SLC2A10: variants seen among roughly 807,000 people sequenced by gnomAD.
SLC2A10 encodes solute carrier family 2, facilitated glucose transporter member 10.
In SLC2A10, 25 loss-of-function variants were observed where a neutral mutation model predicts 32.1. That is an observed-to-expected ratio of 0.78 (90% confidence interval 0.57 to 1.09). SLC2A10 has a LOEUF of 1.09. Among genes scored for constraint, SLC2A10 ranks in the 50% least tolerant of loss-of-function variants. The pLI is 0.00. For missense variants in SLC2A10, 673 were observed against 686.5 expected, an observed-to-expected ratio of 0.98 and a Z score of 0.22; for synonymous variants, 332 against 309.6, an observed-to-expected ratio of 1.07 and a Z score of -0.76.
rs1255070229 is a variant in SLC2A10, at chr20:46,725,119, T to G, written c.83T>G (p.Val28Gly). 1 of 1,614,216 alleles carries G rather than the reference T, an allele frequency of 6.2e-7. No homozygotes were observed. The highest frequency in any genetic ancestry group is 1.1e-5 in the South Asian group (1 of 91,088). Residue 28 changes from valine (V) to glycine (G), a missense_variant, in exon 2 of 5, where the codon GTC becomes GGC. By Grantham distance (109) the Val-to-Gly change is moderately radical. Coordinates refer to ENST00000359271, the MANE Select transcript of SLC2A10 (RefSeq NM_030777.4). ...GGLTFGYELA[V>G]ISGALLPLQL... ...CTGACCTTTGGTTATGAACTGGCAG[T>G]CATATCAGGTGCCCTGCTGCCACTG...
In SLC2A10 at chr20:46,732,823, T is replaced by C. The variant is rs1980367150; in HGVS notation, c.1548-933T>C. 1.3e-5 allele frequency among the ~76,000 whole-genome samples: 2 copies of C among 151,724 alleles called. 1 individual carries two copies. Among genetic ancestry groups the C allele is most frequent in the South Asian group, 4.2e-4 (2 of 4,812 alleles). On this transcript the variant is annotated intron_variant, in intron 4 of 4. Transcript: ENST00000359271. ...ATTACAAGAAAAAGTCAATGGTTTC[T>C]AGAGCTGGAAGAAATGTTCAAGCAG...
intron 3 of SLC2A10, among the ~76,000 whole-genome samples, chr20:46,727,713 T>G (rs945285998): frequency 6.6e-6 from 1 of 152,140 alleles, no homozygotes; most frequent in Non-Finnish European, 1.5e-5. Flanking sequence ...GGAAATGATG[T>G]GGGCCCAGAA....
Position 46,727,003 on chromosome 20 carries a change from C to A in SLC2A10, c.1411+17C>A. On this transcript the variant is annotated intron_variant, in intron 3 of 4. Coordinates refer to ENST00000359271, the MANE Select transcript of SLC2A10 (RefSeq NM_030777.4). ...ATCTCATTGGTGAGTCCTTCCCAGA[C>A]AAGTCCGTTTTTTTTCTGTGGCCCA... The A allele has an allele frequency of 6.2e-7, 1 of 1,614,246 alleles. No individual in the cohort carries two copies. The highest frequency in any genetic ancestry group is 8.5e-7 in the Non-Finnish European group (1 of 1,180,050).
chr20:46,721,058 G>A (rs746108825), intron 1 of SLC2A10, among the ~76,000 whole-genome samples: 1 of 152,128 alleles, frequency 6.6e-6, no homozygotes, highest in Non-Finnish European at 1.5e-5. Context: ...TGACAGTGTA[G>A]CCAGATTTCT....
intron 1 of SLC2A10, among the ~76,000 whole-genome samples, chr20:46,720,681 C>T (rs543426486): frequency 3.3e-5 from 5 of 152,202 alleles, no homozygotes; most frequent in South Asian, 2.1e-4. Flanking sequence ...TGTGCTCGCT[C>T]GTCATGTACT....
chr20:46,710,878 T>C (rs1978869429), intron 1 of SLC2A10, among the ~76,000 whole-genome samples: 1 of 130,500 alleles, frequency 7.7e-6, no homozygotes, highest in Admixed American at 7.2e-5. Context: ...TTATCTTTTC[T>C]TTTTTTTTTC....
intron 4 of SLC2A10, among the ~76,000 whole-genome samples, chr20:46,730,201 T>C (rs7272875): frequency 0.018 from 2,772 of 152,268 alleles, 90 homozygotes; most frequent in South Asian, 0.057. Context: ...ATTCCGTGGC[T>C]ATTTATTAAG....
Position 46,726,037 on chromosome 20 carries a change from A to T in SLC2A10, c.1001A>T (p.Asn334Ile). The T allele has an allele frequency of 6.2e-7, 1 of 1,614,158 alleles. No homozygotes were observed. The highest frequency in any genetic ancestry group is 8.5e-7 in the Non-Finnish European group (1 of 1,180,034). ...DSGPSCLAVPNATGQTGLPGD... is the reference protein window; with the variant it reads ...DSGPSCLAVPIATGQTGLPGD... The stretch of plus-strand genomic sequence containing the variant: ...GGCCCAAGCTGTCTGGCTGTGCCCA[A>T]TGCCACCGGGCAGACAGGCCTCCCT... Residue 334 changes from asparagine (N) to isoleucine (I), a missense_variant, in exon 2 of 5, where the codon AAT becomes ATT. Transcript: ENST00000359271.
intron 1 of SLC2A10, among the ~76,000 whole-genome samples, chr20:46,721,437 CAAAA>C (rs763252434): frequency 8.6e-6 from 1 of 116,000 alleles, no homozygotes. Flanking sequence ...CCTCAATTAG[CAAAA>C]AAAAAAAAAA....
intron 3 of SLC2A10, among the ~76,000 whole-genome samples, chr20:46,727,315 T>C (rs1057231750): frequency 6.6e-6 from 1 of 152,160 alleles, no homozygotes; most frequent in African/African-American, 2.4e-5. Context: ...GCTTTTCTTT[T>C]CTTTTTAATT....
chr20:46,710,306 T>A, intron 1 of SLC2A10: 1 of 357,534 alleles, frequency 2.8e-6, no homozygotes, highest in Non-Finnish European at 5.0e-6. Flanking sequence ...GCTCTATTTT[T>A]CTCTCTGCAT....
At chr20:46,711,442 A>T (rs1337004734) in intron 1 of SLC2A10, among the ~76,000 whole-genome samples, 1 of 152,104 alleles carries the variant, frequency 6.6e-6, no homozygotes, top group Non-Finnish European at 1.5e-5. Context: ...TCCGGCTCTG[A>T]CAGGAGAGTC....
intron 4 of SLC2A10, 86 bp from the exon 5 acceptor site, chr20:46,733,670 G>C (rs1980411891): frequency 3.9e-6 from 4 of 1,013,142 alleles, no homozygotes; most frequent in East Asian, 2.4e-5. Context: ...GGGATTGGGT[G>C]GTGGGAACCC....
chr20:46,728,405 G>T (rs966824177), intron 3 of SLC2A10, among the ~76,000 whole-genome samples: 2 of 152,078 alleles, frequency 1.3e-5, no homozygotes, highest in African/African-American at 4.8e-5. Context: ...TGGGATGAAT[G>T]ACATCAAATG....
chr20:46,717,359 A>G (rs1979306915), intron 1 of SLC2A10, among the ~76,000 whole-genome samples: 1 of 152,196 alleles, frequency 6.6e-6, no homozygotes, highest in Admixed American at 6.5e-5. Context: ...CAGTCATTGT[A>G]ATAAATGTGG....
chr20:46,729,273 C>A, intron 3 of SLC2A10, 80 bp from the exon 4 acceptor site: 1 of 1,583,044 alleles, frequency 6.3e-7, no homozygotes, highest in Non-Finnish European at 8.7e-7. Flanking sequence ...CCATGCCTGA[C>A]CTAGAACCTA....
intron 1 of SLC2A10, among the ~76,000 whole-genome samples, chr20:46,718,554 T>C (rs1257083762): frequency 6.6e-6 from 1 of 152,146 alleles, no homozygotes; most frequent in Non-Finnish European, 1.5e-5. Flanking sequence ...CCTGATAAAA[T>C]ATAATTTTCA....
At chr20:46,715,234 G>A (rs1979161770) in intron 1 of SLC2A10, among the ~76,000 whole-genome samples, 1 of 37,856 alleles carries the variant, frequency 2.6e-5, no homozygotes, top group Non-Finnish European at 4.6e-5. Context: ...TTTATTTCAC[G>A]TTTGTTTGTT....
upstream of SLC2A10, chr20:46,709,621 A>T: frequency 7.4e-7 from 1 of 1,348,726 alleles, no homozygotes; most frequent in Non-Finnish European, 1.0e-6. Flanking sequence ...GGCAGGAGGG[A>T]CAGAGGCGGG....
Sources: gnomAD v4.1 joint callset for allele counts (sites outside exome capture counted in the v4.1 genomes callset) on GRCh38, gnomAD v4.1.1 for gene constraint, MANE v1.5 for transcripts, NCBI Gene and HGNC (gene_info 2026-07-23, HGNC 2026-07-21) for gene names.